ZNF362: variants seen among roughly 807,000 people sequenced by gnomAD.
ZNF362 encodes the protein rotund homolog.
In ZNF362, 11 loss-of-function variants were observed where a neutral mutation model predicts 42.9. That is an observed-to-expected ratio of 0.26 (90% confidence interval 0.16 to 0.42). The LOEUF is 0.42. ZNF362 is among the 20% of genes least tolerant of loss of function. The pLI is 1.00. For synonymous variants in ZNF362, 255 were observed against 257.3 expected (o/e 0.99, Z 0.09); for missense variants, 362 against 576.2 (o/e 0.63, Z 3.81).
At chr1:33,185,935 G>C in the ZNF362 span, among the ~76,000 whole-genome samples, 29 of 152,106 alleles carry the variant, frequency 1.9e-4, no homozygotes, top group Non-Finnish European at 4.0e-4. Context: ...TCTTTTGTGG[G>C]CTGGGATTAT....
At chr1:33,271,050 C>A (rs1346252046) in intron 2 of ZNF362, among the ~76,000 whole-genome samples, 1 of 152,194 alleles carries the variant, frequency 6.6e-6, no homozygotes, top group East Asian at 1.9e-4. Context: ...CTCTGCTCCC[C>A]AGGGGCCTCC....
At chr1:33,173,164 G>A in the ZNF362 span, among the ~76,000 whole-genome samples, 2 of 152,040 alleles carry the variant, frequency 1.3e-5, no homozygotes, top group African/African-American at 4.8e-5. Flanking sequence ...CAACAGACTG[G>A]AATTATTTTA....
chr1:33,156,556 T>TC, the ZNF362 span, among the ~76,000 whole-genome samples: 1 of 152,136 alleles, frequency 6.6e-6, no homozygotes, highest in African/African-American at 2.4e-5. Flanking sequence ...CTTGGCTGGG[T>TC]CCCCCTCTTG....
the ZNF362 span, among the ~76,000 whole-genome samples, chr1:33,137,930 G>T: frequency 2.6e-5 from 4 of 152,180 alleles, no homozygotes; most frequent in Non-Finnish European, 5.9e-5. Flanking sequence ...GTCTTGGGTT[G>T]GCAGCAGAGC....
the ZNF362 span, among the ~76,000 whole-genome samples, chr1:33,243,155 T>TATGTTATGTC: frequency 0.018 from 2,667 of 151,616 alleles, 72 homozygotes; most frequent in African/African-American, 0.057. Context: ...TATGTTATGT[T>TATGTTATGTC]ATGTTGTTAT....
At chr1:33,239,787 T>C in the ZNF362 span, among the ~76,000 whole-genome samples, 3 of 152,142 alleles carry the variant, frequency 2.0e-5, no homozygotes, top group Admixed American at 1.3e-4. Context: ...AGGTGAGATT[T>C]GGGTGGAGAC....
the ZNF362 span, chr1:33,176,289 T>C: frequency 1.8e-6 from 1 of 561,684 alleles, no homozygotes. Context: ...TCAGATTGGG[T>C]AAGAGGGTGT....
chr1:33,285,642 A>G (rs1173063174), intron 6 of ZNF362, among the ~76,000 whole-genome samples: 1 of 152,198 alleles, frequency 6.6e-6, no homozygotes, highest in Non-Finnish European at 1.5e-5. Flanking sequence ...TGTTATACAT[A>G]TTATATGTTT....
At chr1:33,216,437 T>A in the ZNF362 span, among the ~76,000 whole-genome samples, 1 of 146,524 alleles carries the variant, frequency 6.8e-6, no homozygotes, top group Non-Finnish European at 1.5e-5. Context: ...CCATCTCTAC[T>A]AAAAATACAA....
the ZNF362 span, among the ~76,000 whole-genome samples, chr1:33,200,856 C>T: frequency 2.0e-5 from 3 of 152,224 alleles, no homozygotes; most frequent in East Asian, 5.8e-4. Context: ...AAGAGATAAT[C>T]AGGTTAAATT....
the ZNF362 span, among the ~76,000 whole-genome samples, chr1:33,184,396 T>C: frequency 6.6e-6 from 1 of 152,168 alleles, no homozygotes; most frequent in African/African-American, 2.4e-5. Context: ...TGTAGTAGAG[T>C]AGCAGTCGGA....
chr1:33,146,919 C>T, the ZNF362 span: 2 of 522,356 alleles, frequency 3.8e-6, no homozygotes, highest in Non-Finnish European at 6.9e-6. Flanking sequence ...AGGGGTTGCC[C>T]TGAGGAGAAG....
the ZNF362 span, among the ~76,000 whole-genome samples, chr1:33,136,113 C>CCCTTTCCTTCCTT: frequency 1.2e-3 from 122 of 103,570 alleles, 1 homozygote; most frequent in African/African-American, 4.3e-3. Flanking sequence ...CAGGGGCCAG[C>CCCTTTCCTTCCTT]CCTTCCTTCC....
At chr1:33,232,802 C>G in the ZNF362 span, among the ~76,000 whole-genome samples, 1 of 152,176 alleles carries the variant, frequency 6.6e-6, no homozygotes, top group African/African-American at 2.4e-5. Flanking sequence ...TTGCTTGAAG[C>G]CTCCTGATGG....
chr1:33,211,329 C>T, the ZNF362 span, among the ~76,000 whole-genome samples: 1 of 152,092 alleles, frequency 6.6e-6, no homozygotes, highest in Non-Finnish European at 1.5e-5. Flanking sequence ...TTCTTCATAG[C>T]GTTGATGGTC....
intron 8 of ZNF362, among the ~76,000 whole-genome samples, chr1:33,298,495 C>G (rs780371287): frequency 7.2e-5 from 11 of 152,182 alleles, no homozygotes; most frequent in Non-Finnish European, 1.5e-4. Flanking sequence ...AACTGAGGCT[C>G]AGAGAGACAA....
the ZNF362 span, among the ~76,000 whole-genome samples, chr1:33,154,585 G>A: frequency 6.6e-6 from 1 of 152,054 alleles, no homozygotes; most frequent in Middle Eastern, 3.4e-3. Flanking sequence ...GGATCACGAG[G>A]TCAGGAGTTC....
the ZNF362 span, among the ~76,000 whole-genome samples, chr1:33,155,160 C>T: frequency 1.3e-4 from 19 of 150,396 alleles, no homozygotes; most frequent in Admixed American, 3.3e-4. Flanking sequence ...CAGCCTTCAC[C>T]GCCTGGGTTC....
chr1:33,150,290 A>G, the ZNF362 span, among the ~76,000 whole-genome samples: 1 of 151,890 alleles, frequency 6.6e-6, no homozygotes, highest in Non-Finnish European at 1.5e-5. Flanking sequence ...TGGCTGGAGC[A>G]TTCTCCCTAC....
Sources: allele counts gnomAD v4.1 joint callset (sites outside exome capture counted in the v4.1 genomes callset), GRCh38; gene constraint gnomAD v4.1.1; transcripts MANE v1.5; gene names NCBI Gene and HGNC (gene_info 2026-07-23, HGNC 2026-07-21).